DIP2C: variants seen among roughly 807,000 people sequenced by gnomAD.
The protein encoded by DIP2C is DIP2 acetate--CoA ligase C (putative).
Under a neutral mutation model 192.4 loss-of-function variants are expected in DIP2C, and 33 were observed. The ratio of observed to expected loss-of-function variants is 0.17; its 90% CI spans 0.13 to 0.23. The LOEUF (loss-of-function observed/expected upper bound fraction) is 0.23. DIP2C is among the 10% of genes least tolerant of loss of function. The pLI is 1.00. For synonymous variants in DIP2C, 979 were observed against 864.1 expected (o/e 1.13, Z -2.33); for missense variants, 1,537 against 2,110.1 (o/e 0.73, Z 5.32).
intron 29 of DIP2C, chr10:340,587 C>T: frequency 5.6e-6 from 2 of 356,212 alleles, no homozygotes; most frequent in South Asian, 2.1e-5. Context: ...TTTTCTTCTT[C>T]ATATTTTCTA....
intron 17 of DIP2C, among the ~76,000 whole-genome samples, chr10:380,072 T>TC (rs1481720859): frequency 2.6e-5 from 4 of 151,728 alleles, no homozygotes; most frequent in African/African-American, 9.7e-5. Flanking sequence ...GAAGAGGCTG[T>TC]CCCTGGAAGA....
chr10:571,319 C>T (rs376469665), intron 1 of DIP2C, among the ~76,000 whole-genome samples: 1 of 152,194 alleles, frequency 6.6e-6, no homozygotes. Flanking sequence ...TCAGCTCCCC[C>T]CGGCCATCAC....
chr10:577,215 C>G lies in DIP2C; in HGVS notation c.86-90685G>C, dbSNP rs573973409. Among the ~76,000 whole-genome samples the G allele has an allele frequency of 2.0e-5, 3 of 152,256 alleles. No individual in the cohort carries two copies. In the East Asian group the frequency reaches 5.8e-4, roughly 29 times the overall value. On this transcript the variant is annotated intron_variant, in intron 1 of 36. Coordinates refer to ENST00000280886, the MANE Select transcript of DIP2C (RefSeq NM_014974.3). The stretch of plus-strand genomic sequence containing the variant: ...CTGAGCCATCCTGACATAGCACTGA[C>G]ACATGGTACAAGAAGAATGACCTCC...
At chr10:423,803 C>T (rs1966381786) in intron 4 of DIP2C, among the ~76,000 whole-genome samples, 1 of 152,182 alleles carries the variant, frequency 6.6e-6, no homozygotes, top group African/African-American at 2.4e-5. Context: ...GCAGAACGTG[C>T]CTCACGCGGA....
chr10:348,794 C>T, intron 25 of DIP2C, 32 bp from the exon 26 acceptor site: 1 of 1,611,084 alleles, frequency 6.2e-7, no homozygotes, highest in East Asian at 2.2e-5. Context: ...ATCATTGAAG[C>T]AGACCACGCT....
chr10:683,671 G>A (rs1831211904), intron 1 of DIP2C, among the ~76,000 whole-genome samples: 1 of 152,242 alleles, frequency 6.6e-6, no homozygotes, highest in Non-Finnish European at 1.5e-5. Flanking sequence ...TCTGAGTAAC[G>A]ATGAGAAGAG....
chr10:454,974 A>G (rs1031260957), intron 3 of DIP2C, among the ~76,000 whole-genome samples: 1 of 152,146 alleles, frequency 6.6e-6, no homozygotes, highest in Non-Finnish European at 1.5e-5. Context: ...ATCACAATCC[A>G]TTTCCTAGAG....
chr10:501,381 CATT>C (rs1436856733), intron 1 of DIP2C, among the ~76,000 whole-genome samples: 1 of 152,094 alleles, frequency 6.6e-6, no homozygotes, highest in Non-Finnish European at 1.5e-5. Flanking sequence ...CTCATTGATA[CATT>C]ATGAGTAGAA....
intron 32 of DIP2C, among the ~76,000 whole-genome samples, chr10:306,268 C>T (rs1956316544): frequency 6.6e-6 from 1 of 151,944 alleles, no homozygotes; most frequent in South Asian, 2.1e-4. Context: ...CAGATGCAGG[C>T]AGGTCCCACC....
At chr10:539,865 C>T (rs1018127424) in intron 1 of DIP2C, among the ~76,000 whole-genome samples, 1 of 152,154 alleles carries the variant, frequency 6.6e-6, no homozygotes, top group Admixed American at 6.5e-5. Context: ...AGCAGACCTA[C>T]AATATGCAAA....
intron 1 of DIP2C, among the ~76,000 whole-genome samples, chr10:571,751 G>C (rs1275826135): frequency 1.3e-5 from 2 of 152,192 alleles, no homozygotes; most frequent in African/African-American, 2.4e-5. Flanking sequence ...CACGGCGCTG[G>C]TGCCCAGCAG....
chr10:477,223 AGAATGGAGGAAC>A (rs1450833144), intron 2 of DIP2C, among the ~76,000 whole-genome samples: 1 of 133,326 alleles, frequency 7.5e-6, no homozygotes, highest in Non-Finnish European at 1.6e-5. Flanking sequence ...ACACACAGGA[AGAATGGAGGAAC>A]GAATGGAGAA....
chr10:634,877 C>G (rs1854742986), intron 1 of DIP2C, among the ~76,000 whole-genome samples: 2 of 152,200 alleles, frequency 1.3e-5, no homozygotes, highest in Admixed American at 1.3e-4. Context: ...CCAATTAGAT[C>G]AACATTCTGT....
intron 1 of DIP2C, among the ~76,000 whole-genome samples, chr10:592,231 C>CTG (rs1384569469): frequency 2.0e-4 from 30 of 152,246 alleles, no homozygotes; most frequent in African/African-American, 6.5e-4. Flanking sequence ...TCAGGTTCTG[C>CTG]TGTGTTTCAA....
intron 1 of DIP2C, among the ~76,000 whole-genome samples, chr10:582,129 T>TGCTC (rs1850706652): frequency 6.6e-6 from 1 of 152,126 alleles, no homozygotes; most frequent in East Asian, 1.9e-4. Context: ...CAGGCAGTCA[T>TGCTC]GCTCACTCAC....
At chr10:504,902 C>G (rs1458813607) in intron 1 of DIP2C, among the ~76,000 whole-genome samples, 1 of 152,170 alleles carries the variant, frequency 6.6e-6, no homozygotes, top group African/African-American at 2.4e-5. Context: ...AAGAGGTGAG[C>G]TCTTCAATCT....
At chr10:419,017 G>A in intron 6 of DIP2C, 48 bp downstream of exon 6, 4 of 1,612,926 alleles carry the variant, frequency 2.5e-6, no homozygotes, top group Non-Finnish European at 3.4e-6. Context: ...CGGGACGTCA[G>A]CACAAACCGT....
chr10:423,917 T>G (rs933695947), intron 4 of DIP2C, among the ~76,000 whole-genome samples: 1 of 152,238 alleles, frequency 6.6e-6, no homozygotes, highest in Non-Finnish European at 1.5e-5. Flanking sequence ...TTGTTTCTTA[T>G]ACATTCTCAT....
At chr10:412,590 C>T (rs1044904173) in intron 8 of DIP2C, among the ~76,000 whole-genome samples, 13 of 152,194 alleles carry the variant, frequency 8.5e-5, no homozygotes, top group African/African-American at 3.1e-4. Context: ...CTACGAAACG[C>T]ACGCTCCCAA....
Sources: allele counts gnomAD v4.1 joint callset (sites outside exome capture counted in the v4.1 genomes callset), GRCh38; gene constraint gnomAD v4.1.1; transcripts MANE v1.5; gene names NCBI Gene and HGNC (gene_info 2026-07-23, HGNC 2026-07-21).